The following CNTNAP2 variants were observed in gnomAD, a reference collection of about 807,000 sequenced individuals.
The protein encoded by CNTNAP2 is contactin associated protein 2.
Under a neutral mutation model 155.2 loss-of-function variants are expected in CNTNAP2, and 98 were observed. The observed-to-expected ratio is 0.63, with a 90% CI of 0.54 to 0.75. CNTNAP2 has a LOEUF of 0.75. Among genes scored for constraint, CNTNAP2 ranks in the 30% least tolerant of loss-of-function variants. CNTNAP2 has a pLI of 0.00. For missense variants in CNTNAP2, 1,727 were observed against 1,688.1 expected, an observed-to-expected ratio of 1.02 and a Z score of -0.40; for synonymous variants, 651 against 631.2, an observed-to-expected ratio of 1.03 and a Z score of -0.47.
At position 147,502,743 on chromosome 7, in the gene CNTNAP2, A is replaced by G. The variant is rs200531880; in HGVS notation, c.1777+16702A>G. 6.9e-3 allele frequency among the ~76,000 whole-genome samples: 641 copies of G among 92,890 alleles called. 4 individuals are homozygous for G. Among genetic ancestry groups the G allele is most frequent in the African/African-American group, 0.029 (495 of 17,280 alleles). The allele number at this position is 92,890 out of a possible 152,430, so 60.9% of individuals were successfully genotyped here. A position where few individuals can be genotyped will look rare whatever the true frequency, so the allele number is the denominator to read the frequency against. On this transcript the variant is annotated intron_variant, in intron 11 of 23. Transcript: ENST00000361727. Reference sequence around the variant, plus strand: ...TGTGTGTGTGTGTGTGTGTGTGTGTATATATATATATATATAAAACAAATC... The same window carrying G: ...TGTGTGTGTGTGTGTGTGTGTGTGTGTATATATATATATATAAAACAAATC...
At position 146,236,148 on chromosome 7, in the gene CNTNAP2, T is replaced by G. The variant is rs1799470016; in HGVS notation, c.97+119175T>G. Reference sequence around the variant, plus strand: ...GCTTTTAAATTATATTCTCATTTTTTGTTATTCAATGATGGTTCAACTATT... The same window carrying G: ...GCTTTTAAATTATATTCTCATTTTTGGTTATTCAATGATGGTTCAACTATT... On this transcript the variant is annotated intron_variant, in intron 1 of 23. Transcript: ENST00000361727. 2.6e-5 allele frequency among the ~76,000 whole-genome samples: 4 copies of G among 152,286 alleles called. No individual in the cohort carries two copies. In the South Asian group the frequency reaches 8.3e-4, roughly 32 times the overall value.
At chr7:148,297,165 A>AAAGGAAGGGAGG (rs1797300164) in intron 21 of CNTNAP2, among the ~76,000 whole-genome samples, 2 of 128,832 alleles carry the variant, frequency 1.6e-5, no homozygotes, top group Admixed American at 8.1e-5. Context: ...GAGATAGAGA[A>AAAGGAAGGGAGG]AAGGAAGGAA....
Position 148,404,536 on chromosome 7 carries a change from G to T in CNTNAP2, c.3716-4855G>T, listed in dbSNP as rs147589506. On this transcript the variant is annotated intron_variant, in intron 22 of 23. Coordinates refer to ENST00000361727, the MANE Select transcript of CNTNAP2 (RefSeq NM_014141.6). ...TCACTCAAACCTTTTGCGGGACGGC[G>T]AGCACACAGGCAAGTGGGTGCCACC... is the stretch of plus-strand genomic sequence containing the variant. 1.1e-4 allele frequency among the ~76,000 whole-genome samples: 16 copies of T among 152,288 alleles called. No homozygotes were observed. The South Asian group carries it at 3.3e-3, about 32-fold the overall frequency.
chr7:146,279,955 C>T lies in CNTNAP2; in HGVS notation c.97+162982C>T, dbSNP rs560576752. Reference sequence around the variant, plus strand: ...AAAGGAACTGTAGAATTATAAATTACTATACGTATCATATTATGAATATAC... The same window carrying T: ...AAAGGAACTGTAGAATTATAAATTATTATACGTATCATATTATGAATATAC... On this transcript the variant is annotated intron_variant, in intron 1 of 23. Transcript: ENST00000361727. 2.0e-3 allele frequency among the ~76,000 whole-genome samples: 307 copies of T among 151,972 alleles called. 3 individuals are homozygous for T. The highest frequency in any genetic ancestry group is 6.9e-3 in the African/African-American group (288 of 41,498).
Position 147,028,959 on chromosome 7 carries a change from C to CTTT in CNTNAP2, c.403-14928_403-14926dup, listed in dbSNP as rs397889433. 9.6e-3 allele frequency among the ~76,000 whole-genome samples: 993 copies of CTTT among 103,670 alleles called. 62 individuals carry two copies. Among genetic ancestry groups the CTTT allele is most frequent in the African/African-American group, 0.026 (621 of 23,950 alleles). The allele number at this position is 103,670 out of a possible 152,430, so 68.0% of individuals were successfully genotyped here. ...AGACATATGCAAAATAAGATATGTT[C>CTTT]TTTTTTTTTTTTTTTTTTTTTTGAG... On this transcript the variant is annotated intron_variant, in intron 3 of 23. Transcript: ENST00000361727.
At chr7:146,596,744 A>G (rs1326089472) in intron 1 of CNTNAP2, among the ~76,000 whole-genome samples, 1 of 152,000 alleles carries the variant, frequency 6.6e-6, no homozygotes, top group Non-Finnish European at 1.5e-5. Context: ...TTCGAAAGTG[A>G]GCAATATCAT....
intron 1 of CNTNAP2, among the ~76,000 whole-genome samples, chr7:146,304,199 C>T (rs1210743701): frequency 6.6e-6 from 1 of 151,304 alleles, no homozygotes; most frequent in Non-Finnish European, 1.5e-5. Flanking sequence ...ATACAACACA[C>T]TGATGGGTCT....
chr7:146,526,644 G>A (rs1412180249), intron 1 of CNTNAP2, among the ~76,000 whole-genome samples: 2 of 152,116 alleles, frequency 1.3e-5, no homozygotes, highest in Non-Finnish European at 2.9e-5. Context: ...AATTCAACAT[G>A]AGATTTGAGT....
At position 148,230,381 on chromosome 7, in the gene CNTNAP2, C is replaced by T. The variant is rs1377647536; in HGVS notation, c.3381+602C>T. ...ACCACTGATTTTTACAGTGAAGAAA[C>T]CAGCTTGGGAAACACCATGAATAAA... On this transcript the variant is annotated intron_variant, in intron 20 of 23. Coordinates refer to ENST00000361727, the MANE Select transcript of CNTNAP2 (RefSeq NM_014141.6). 2.6e-5 allele frequency among the ~76,000 whole-genome samples: 4 copies of T among 152,278 alleles called. No individual in the cohort carries two copies. In the East Asian group the frequency reaches 5.8e-4, roughly 22 times the overall value.
At chr7:147,741,946 C>A (rs1796962875) in intron 13 of CNTNAP2, among the ~76,000 whole-genome samples, 1 of 152,142 alleles carries the variant, frequency 6.6e-6, no homozygotes, top group African/African-American at 2.4e-5. Flanking sequence ...ATTGGACTTA[C>A]AATTTCACGT....
At chr7:147,207,181 C>G (rs540627861) in intron 8 of CNTNAP2, among the ~76,000 whole-genome samples, 2 of 152,178 alleles carry the variant, frequency 1.3e-5, no homozygotes, top group East Asian at 3.9e-4. Context: ...TGGCTCCCAG[C>G]CTTTTAATAA....
chr7:147,418,455 C>T (rs1423406217), intron 10 of CNTNAP2, among the ~76,000 whole-genome samples: 1 of 152,150 alleles, frequency 6.6e-6, no homozygotes, highest in Non-Finnish European at 1.5e-5. Flanking sequence ...TAAAGTCACA[C>T]CAAGAATGTC....
intron 15 of CNTNAP2, among the ~76,000 whole-genome samples, chr7:148,018,306 G>T (rs1324841799): frequency 6.6e-6 from 1 of 152,138 alleles, no homozygotes; most frequent in African/African-American, 2.4e-5. Flanking sequence ...TAATGGTCAA[G>T]CTCCCATAAT....
rs149244065 is a variant in CNTNAP2 at position 147,759,287 on chromosome 7, A to G, written c.2098+119981A>G. ...TCATTTCTGCAGCCTGTTTCTCCAG[A>G]CAACTCAAAATTGTCTGAATCCCAT... On this transcript the variant is annotated intron_variant, in intron 13 of 23. Coordinates refer to ENST00000361727, the MANE Select transcript of CNTNAP2 (RefSeq NM_014141.6). 2.4e-3 allele frequency among the ~76,000 whole-genome samples: 359 copies of G among 152,302 alleles called. 4 individuals carry two copies. The highest frequency in any genetic ancestry group is 8.2e-3 in the African/African-American group (342 of 41,578).
At chr7:147,308,744 C>T (rs1795074655) in intron 9 of CNTNAP2, among the ~76,000 whole-genome samples, 1 of 152,204 alleles carries the variant, frequency 6.6e-6, no homozygotes, top group South Asian at 2.1e-4. Flanking sequence ...GGACAGCTCC[C>T]TCCCAAACAA....
chr7:147,054,321 T>G (rs546299820), intron 4 of CNTNAP2, among the ~76,000 whole-genome samples: 2 of 152,206 alleles, frequency 1.3e-5, no homozygotes, highest in African/African-American at 4.8e-5. Context: ...ATGTACTCAT[T>G]GGAGAACAGC....
chr7:146,300,643 A>G (rs1800591452), intron 1 of CNTNAP2, among the ~76,000 whole-genome samples: 1 of 152,154 alleles, frequency 6.6e-6, no homozygotes. Flanking sequence ...CAAGTTTTCA[A>G]GTTATCGAAA....
At chr7:147,363,021 G>C (rs528521892) in intron 9 of CNTNAP2, among the ~76,000 whole-genome samples, 1 of 152,262 alleles carries the variant, frequency 6.6e-6, no homozygotes, top group African/African-American at 2.4e-5. Context: ...TGAATTTGAG[G>C]TACAATCAAG....
chr7:147,344,827 C>T (rs1050478125), intron 9 of CNTNAP2, among the ~76,000 whole-genome samples: 1 of 152,048 alleles, frequency 6.6e-6, no homozygotes, highest in Non-Finnish European at 1.5e-5. Flanking sequence ...AAATATTTCA[C>T]ATATCATCTG....
Sources: gnomAD v4.1 joint callset for allele counts (sites outside exome capture counted in the v4.1 genomes callset) on GRCh38, gnomAD v4.1.1 for gene constraint, MANE v1.5 for transcripts, NCBI Gene and HGNC (gene_info 2026-07-23, HGNC 2026-07-21) for gene names.